The following SYNJ2 variants were observed in gnomAD, a reference collection of about 807,000 sequenced individuals.
The protein encoded by SYNJ2 is synaptojanin 2, also known as polyphosphatidylinositol phosphatase SYNJ2.
SYNJ2 carries 116 observed loss-of-function variants against 141.3 expected under a neutral mutation model. The observed-to-expected ratio is 0.82, with a 90% CI of 0.71 to 0.96. SYNJ2 has a LOEUF of 0.96. SYNJ2 is among the 40% of genes least tolerant of loss of function. SYNJ2 has a pLI of 0.00. For synonymous variants in SYNJ2, 745 were observed against 777.7 expected (o/e 0.96, Z 0.70); for missense variants, 1,873 against 1,934.8 (o/e 0.97, Z 0.60).
At chr6:158,024,413 C>T (rs551153204) in intron 2 of SYNJ2, among the ~76,000 whole-genome samples, 3 of 152,284 alleles carry the variant, frequency 2.0e-5, no homozygotes, top group African/African-American at 7.2e-5. Context: ...CTAGCCTGGG[C>T]GACAGAGCAA....
chr6:158,004,520 G>C (rs1039323548), intron 1 of SYNJ2, among the ~76,000 whole-genome samples: 2 of 152,188 alleles, frequency 1.3e-5, no homozygotes, highest in Non-Finnish European at 2.9e-5. Flanking sequence ...AGAACCCTCA[G>C]TTCCTGGGAA....
At chr6:158,017,565 C>T in intron 2 of SYNJ2, 2 of 458,424 alleles carry the variant, frequency 4.4e-6, no homozygotes, top group Non-Finnish European at 4.0e-6. Flanking sequence ...CAGGCATGCG[C>T]CACCATGCCC....
rs180676373 is a variant in SYNJ2 at position 158,011,807 on chromosome 6, A to T, written c.128-5397A>T. Among the ~76,000 whole-genome samples, 3 of 152,310 alleles carry T rather than the reference A, an allele frequency of 2.0e-5. No individual in the cohort carries two copies. In the East Asian group the frequency reaches 5.8e-4, roughly 29 times the overall value. On this transcript the variant is annotated intron_variant, in intron 1 of 26. Transcript: ENST00000355585. ...ATTTGCATAGTTGAATGAATGCACA[A>T]AGGCCTCCTTGTTTCGTGGTTCACA...
At chr6:157,986,474 C>T (rs772927157) in intron 1 of SYNJ2, among the ~76,000 whole-genome samples, 3 of 152,238 alleles carry the variant, frequency 2.0e-5, no homozygotes, top group Non-Finnish European at 4.4e-5. Flanking sequence ...GCTGGGACTA[C>T]AGGCATGCAC....
At chr6:158,060,841 C>T (rs1286409763) in intron 7 of SYNJ2, among the ~76,000 whole-genome samples, 12 of 152,312 alleles carry the variant, frequency 7.9e-5, no homozygotes, top group African/African-American at 2.9e-4. Context: ...CCACCTCATG[C>T]GGAGAAGGGT....
chr6:158,080,539 G>A (rs1233233203), intron 18 of SYNJ2, among the ~76,000 whole-genome samples: 2 of 147,082 alleles, frequency 1.4e-5, no homozygotes, highest in Non-Finnish European at 3.0e-5. Flanking sequence ...CAACAATGCT[G>A]TAAATGATCA....
At chr6:158,094,977 G>A (rs1182854964) in intron 26 of SYNJ2, among the ~76,000 whole-genome samples, 1 of 152,050 alleles carries the variant, frequency 6.6e-6, no homozygotes, top group Admixed American at 6.6e-5. Context: ...GTGAAACCCC[G>A]TCTCTACTAC....
rs373496692 is a variant in SYNJ2, at chr6:158,033,427, G to A, written c.486-28G>A. ...ATGTATTGGAGGATGTCAAGTGACTGGAATTGGTGTGGGACTGTGTTTTGC... is the reference window on the plus strand; with the variant it reads ...ATGTATTGGAGGATGTCAAGTGACTAGAATTGGTGTGGGACTGTGTTTTGC... On this transcript the variant is annotated intron_variant, in intron 3 of 26. Coordinates refer to ENST00000355585, the MANE Select transcript of SYNJ2 (RefSeq NM_003898.4). 62 of 1,604,222 alleles carry A rather than the reference G, an allele frequency of 3.9e-5. No homozygotes were observed. In the African/African-American group the frequency reaches 7.1e-4, roughly 18 times the overall value.
At chr6:158,089,979 C>A in intron 25 of SYNJ2, 32 bp downstream of exon 25, 1 of 1,476,444 alleles carries the variant, frequency 6.8e-7, no homozygotes, top group Non-Finnish European at 9.5e-7. Context: ...GGGGAAAAAC[C>A]AATTCTCCTT....
chr6:158,002,187 G>C (rs1777888595), intron 1 of SYNJ2: 1 of 151,284 alleles, frequency 6.6e-6, no homozygotes, highest in Non-Finnish European at 1.5e-5. Flanking sequence ...CTAGAACCAT[G>C]CCTGGCACAC....
Position 158,062,137 on chromosome 6 carries a change from T to TC in SYNJ2, c.1101dup (p.Thr368HisfsTer21), listed in dbSNP as rs1781260590. 2.5e-6 allele frequency: 4 copies of TC among 1,613,888 alleles called. No homozygotes were observed. In the East Asian group the frequency reaches 8.9e-5, roughly 36 times the overall value. On this transcript the variant is annotated frameshift_variant, in exon 8 of 27. Transcript: ENST00000355585. LOFTEE classifies it high-confidence loss of function. ...CTGCACTGGGAAGACTTCGATGTGTTCACAAAGGGGGAGAACGTCAGTCCA... is the reference window on the plus strand; with the variant it reads ...CTGCACTGGGAAGACTTCGATGTGTTCCACAAAGGGGGAGAACGTCAGTCCA...
At chr6:158,035,419 AT>A (rs946235774) in intron 4 of SYNJ2, among the ~76,000 whole-genome samples, 2 of 152,034 alleles carry the variant, frequency 1.3e-5, no homozygotes, top group African/African-American at 4.8e-5. Context: ...ATTGCTAGGT[AT>A]TTTATTCTTC....
chr6:158,032,125 C>T (rs982667724), intron 3 of SYNJ2, among the ~76,000 whole-genome samples: 4 of 152,074 alleles, frequency 2.6e-5, no homozygotes, highest in African/African-American at 9.7e-5. Flanking sequence ...CAGACGCGGG[C>T]TGTGCTCCCT....
At chr6:158,036,020 CA>C (rs1033603789) in intron 4 of SYNJ2, among the ~76,000 whole-genome samples, 6 of 150,912 alleles carry the variant, frequency 4.0e-5, no homozygotes, top group Non-Finnish European at 7.4e-5. Context: ...AGACACTTTT[CA>C]AAAGAAGGCA....
At position 158,076,692 on chromosome 6, in the gene SYNJ2, G is replaced by A. The variant is rs1782314262; in HGVS notation, c.2359G>A (p.Ala787Thr). The change falls in exon 17 of 27, where the codon GCC becomes ACC. Residue 787 changes from alanine (A) to threonine (T), a missense_variant. Ala to Thr is a moderately conservative substitution (Grantham distance 58). Coordinates refer to ENST00000355585, the MANE Select transcript of SYNJ2 (RefSeq NM_003898.4). The part of the protein sequence containing the change: ...GPTYKYDVGS[A>T]AYDTSDKCRT... Reference sequence around the variant, plus strand: ...CACCTACAAGTATGACGTTGGCTCAGCCGCCTACGATACAAGCGACAAATG... The same window carrying A: ...CACCTACAAGTATGACGTTGGCTCAACCGCCTACGATACAAGCGACAAATG... 6.2e-7 allele frequency: 1 copy of A among 1,614,198 alleles called. No homozygotes were observed. The highest frequency in any genetic ancestry group is 8.5e-7 in the Non-Finnish European group (1 of 1,180,036).
rs140348284 is a variant in SYNJ2, at chr6:158,078,459, C to G, written c.2567+178C>G. 9.7e-4 allele frequency: 430 copies of G among 442,508 alleles called. 3 individuals carry two copies. The highest frequency in any genetic ancestry group is 6.9e-3 in the African/African-American group (349 of 50,858). 27.4% of individuals were successfully genotyped at this position (442,508 alleles called of 1,614,324 possible). ...GGAACAAATATCTGTGGACCCACCA[C>G]CAAGAACTAATTAATCTTAGCATTT... On this transcript the variant is annotated intron_variant, in intron 18 of 26. Coordinates refer to ENST00000355585, the MANE Select transcript of SYNJ2 (RefSeq NM_003898.4).
intron 5 of SYNJ2, among the ~76,000 whole-genome samples, chr6:158,052,355 A>G (rs2502618): frequency 0.36 from 55,188 of 152,102 alleles, 10,297 homozygotes; most frequent in South Asian, 0.44. Flanking sequence ...AACCGTTTGA[A>G]AGTAGGTTGC....
chr6:157,981,609 G>A (rs1432058143), upstream of SYNJ2, among the ~76,000 whole-genome samples: 2 of 151,976 alleles, frequency 1.3e-5, no homozygotes, highest in African/African-American at 4.8e-5. This position sits in a 1 kb window ranked among gnomAD's most constrained non-coding sequence, Gnocchi z 6.4. Context: ...GTCGCCCCGC[G>A]CGGGGCATCC....
At position 158,082,034 on chromosome 6, in the gene SYNJ2, C is replaced by T. The variant is rs567419236; in HGVS notation, c.2865+524C>T. On this transcript the variant is annotated intron_variant, in intron 20 of 26. Transcript: ENST00000355585. Reference sequence around the variant, plus strand: ...CTCTGGTTCTAAGGTGTCTCATGTCCGGCTCTAGCTACTTGCAAAATAGGG... The same window carrying T: ...CTCTGGTTCTAAGGTGTCTCATGTCTGGCTCTAGCTACTTGCAAAATAGGG... Among the ~76,000 whole-genome samples, 251 of 152,180 alleles carry T rather than the reference C, an allele frequency of 1.6e-3. 1 individual carries two copies. The highest frequency in any genetic ancestry group is 2.4e-3 in the Non-Finnish European group (161 of 67,994).
Sources: allele counts gnomAD v4.1 joint callset (sites outside exome capture counted in the v4.1 genomes callset), GRCh38; gene constraint gnomAD v4.1.1; non-coding constraint Gnocchi (gnomAD v3.1); transcripts MANE v1.5; gene names NCBI Gene and HGNC (gene_info 2026-07-23, HGNC 2026-07-21).